Variants in KIF5B observed in about 807,000 individuals in gnomAD.
The protein encoded by KIF5B is kinesin-1 heavy chain.
A neutral mutation model predicts 132.8 loss-of-function variants in KIF5B; 49 were observed. The ratio of observed to expected loss-of-function variants is 0.37; its 90% CI spans 0.29 to 0.47. The LOEUF (loss-of-function observed/expected upper bound fraction) is 0.47. KIF5B is among the 20% of genes least tolerant of loss of function. KIF5B has a pLI of 1.00. For missense variants in KIF5B, 780 were observed against 1,144.0 expected (o/e 0.68, Z 4.59); for synonymous variants, 355 against 369.4 (o/e 0.96, Z 0.45).
rs1592458411 is a variant in KIF5B at position 32,056,089 on chromosome 10, T to G, written c.-116A>C. The G allele has an allele frequency of 1.6e-6, 2 of 1,267,866 alleles. No individual in the cohort carries two copies. The highest frequency in any genetic ancestry group is 5.2e-5 in the East Asian group (2 of 38,410). 78.5% of individuals were successfully genotyped at this position (1,267,866 alleles called of 1,614,324 possible). A position where few individuals can be genotyped will look rare whatever the true frequency, so the allele number is the denominator to read the frequency against. ...AGGGCCGTGAGAGGCAGCAGTCAGC[T>G]GCGCCGCGCTGCGCTTCCCCGGGTG... On this transcript the variant is annotated 5_prime_UTR_variant, in exon 1 of 26. Transcript: ENST00000302418.
At chr10:32,011,899 A>G (rs1464545483) in intron 25 of KIF5B, among the ~76,000 whole-genome samples, 6 of 152,106 alleles carry the variant, frequency 3.9e-5, no homozygotes, top group Non-Finnish European at 8.8e-5. Context: ...AACACTAACC[A>G]GCAACTACTA....
intron 2 of KIF5B, among the ~76,000 whole-genome samples, chr10:32,045,131 T>G (rs1841592863): frequency 6.6e-6 from 1 of 152,144 alleles, no homozygotes; most frequent in Non-Finnish European, 1.5e-5. Context: ...CAATAGATTT[T>G]GAAAAACTCT....
chr10:32,018,365 T>C lies in KIF5B; in HGVS notation c.2390A>G (p.His797Arg). ...ETVAKELQTLHNLRKLFVQDL... is the reference protein window; with the variant it reads ...ETVAKELQTLRNLRKLFVQDL... Reference sequence around the variant, plus strand: ...CTGAACAAAGAGTTTGCGCAGGTTGTGTAAAGTCTGAAGTTCTTTTGCCTT... The same window carrying C: ...CTGAACAAAGAGTTTGCGCAGGTTGCGTAAAGTCTGAAGTTCTTTTGCCTT... Residue 797 changes from histidine to arginine, a missense_variant, in exon 22 of 26, where the codon CAC (histidine) becomes CGC (arginine). Physicochemically the swap from His to Arg is conservative, Grantham distance 29 (BLOSUM62 0). Transcript: ENST00000302418. The C allele has an allele frequency of 6.5e-7, 1 of 1,528,914 alleles. No homozygotes were observed. The highest frequency in any genetic ancestry group is 8.7e-7 in the Non-Finnish European group (1 of 1,143,892). The allele number at this position is 1,528,914 out of a possible 1,614,324, so 94.7% of individuals were successfully genotyped here.
At position 32,011,286 on chromosome 10, in the gene KIF5B, G is replaced by A. The variant is rs977295179; in HGVS notation, c.*251C>T. 1 of 152,606 alleles carries A rather than the reference G, an allele frequency of 6.6e-6. No homozygotes were observed. The highest frequency in any genetic ancestry group is 1.5e-5 in the Non-Finnish European group (1 of 68,018). The allele number at this position is 152,606 out of a possible 1,614,324, so 9.5% of individuals were successfully genotyped here. On this transcript the variant is annotated 3_prime_UTR_variant, in exon 26 of 26. Transcript: ENST00000302418. ...AAACTGTGTAATAAATAGGGCCACAGTTGTAAACTGTCCTTTTTCCCTCCT... is the reference window on the plus strand; with the variant it reads ...AAACTGTGTAATAAATAGGGCCACAATTGTAAACTGTCCTTTTTCCCTCCT...
chr10:32,031,998 T>TCAAAAA (rs1333001616), intron 13 of KIF5B, among the ~76,000 whole-genome samples: 55 of 150,306 alleles, frequency 3.7e-4, no homozygotes, highest in African/African-American at 1.3e-3. Context: ...AGACTTCGCC[T>TCAAAAA]CAAAAACAAA....
intron 20 of KIF5B, 128 bp downstream of exon 20, chr10:32,019,730 G>C: frequency 1.7e-6 from 1 of 571,980 alleles, no homozygotes; most frequent in South Asian, 2.6e-5. Context: ...CAACTCAGTG[G>C]ATTTAAGAAA....
Position 32,032,721 on chromosome 10 carries a change from C to T in KIF5B, c.1359G>A (p.Met453Ile), listed in dbSNP as rs1349165109. 1.2e-6 allele frequency: 2 copies of T among 1,613,838 alleles called. No individual in the cohort carries two copies. Among genetic ancestry groups the T allele is most frequent in the Non-Finnish European group, 1.7e-6 (2 of 1,179,742 alleles). ...TTCAACTCACCTCCTCCTGATCCAA[C>T]ATTTGCGTCTTCAGTTTCTCTACCA... ...SQLVEKLKTQ[M>I]LDQEELLAST... Residue 453 changes from methionine to isoleucine, a missense_variant, in exon 13 of 26, where the codon ATG (methionine) becomes ATA (isoleucine). Transcript: ENST00000302418.
chr10:32,037,496 T>C (rs1267250227), intron 7 of KIF5B, 24 bp downstream of exon 7: 13 of 1,593,370 alleles, frequency 8.2e-6, no homozygotes, highest in Middle Eastern at 1.7e-4. Context: ...TTTTAAATCC[T>C]AACCAGTGTT....
intron 11 of KIF5B, among the ~76,000 whole-genome samples, chr10:32,034,426 T>C (rs1323742078): frequency 6.6e-6 from 1 of 152,186 alleles, no homozygotes; most frequent in Non-Finnish European, 1.5e-5. Flanking sequence ...TCTTTCAAAC[T>C]TTTTCTTCTC....
At chr10:32,048,181 C>G (rs1841639330) in intron 2 of KIF5B, among the ~76,000 whole-genome samples, 1 of 152,170 alleles carries the variant, frequency 6.6e-6, no homozygotes, top group Non-Finnish European at 1.5e-5. Flanking sequence ...ACCTTGGAAA[C>G]TCTCCTGGGA....
chr10:32,037,782 G>A (rs190513299), intron 6 of KIF5B, among the ~76,000 whole-genome samples, 175 bp from the exon 7 acceptor site: 1 of 152,180 alleles, frequency 6.6e-6, no homozygotes, highest in Non-Finnish European at 1.5e-5. Flanking sequence ...GCAGTGAGCC[G>A]AGACCATGCC....
rs1841055557 is a variant in KIF5B, at chr10:32,010,142, T to C, written c.*1395A>G. 6.6e-6 allele frequency: 1 copy of C among 152,166 alleles called. No individual in the cohort carries two copies. The highest frequency in any genetic ancestry group is 2.4e-5 in the African/African-American group (1 of 41,458). 9.4% of individuals were successfully genotyped at this position (152,166 alleles called of 1,614,324 possible). ...GATCCTAACACAGAACTTTCCAAGT[T>C]TCTCTGCTAACCTTAAATCCCCATT... On this transcript the variant is annotated 3_prime_UTR_variant, in exon 26 of 26. Coordinates refer to ENST00000302418, the MANE Select transcript of KIF5B (RefSeq NM_004521.3).
chr10:32,038,173 G>T lies in KIF5B; in HGVS notation c.488C>A (p.Pro163His). The T allele has an allele frequency of 1.3e-6, 2 of 1,599,736 alleles. No individual in the cohort carries two copies. The highest frequency in any genetic ancestry group is 1.7e-6 in the Non-Finnish European group (2 of 1,168,258). Residue 163 changes from proline to histidine, a missense_variant, in exon 6 of 26, where the codon CCC (proline) becomes CAC (histidine). Pro to His is a moderately conservative substitution (Grantham distance 77). Transcript: ENST00000302418. Reference protein sequence around the residue: ...LSVHEDKNRVPYVKGCTERFV... With the variant: ...LSVHEDKNRVHYVKGCTERFV... ...CTGTACTATAAATACCTTTACATAGGGAACTCGGTTTTTGTCTTCATGAAC... is the reference window on the plus strand; with the variant it reads ...CTGTACTATAAATACCTTTACATAGTGAACTCGGTTTTTGTCTTCATGAAC...
intron 1 of KIF5B, among the ~76,000 whole-genome samples, chr10:32,049,171 T>C (rs1000470413): frequency 3.9e-5 from 6 of 152,352 alleles, no homozygotes; most frequent in South Asian, 2.1e-4. Context: ...CAAATACTTA[T>C]GGAATGTGAG....
Position 32,056,370 on chromosome 10 carries a change from C to T in KIF5B, c.-397G>A. On this transcript the variant is annotated 5_prime_UTR_variant, in exon 1 of 26. Coordinates refer to ENST00000302418, the MANE Select transcript of KIF5B (RefSeq NM_004521.3). ...GGGCCTACCCGTCCGCCCGCTCTGCCGTCCGCTGGCCGGCCGACTGCTGCC... is the reference window on the plus strand; with the variant it reads ...GGGCCTACCCGTCCGCCCGCTCTGCTGTCCGCTGGCCGGCCGACTGCTGCC... 4.5e-6 allele frequency: 1 copy of T among 222,040 alleles called. No individual in the cohort carries two copies. Among genetic ancestry groups the T allele is most frequent in the South Asian group, 5.1e-5 (1 of 19,500 alleles). The allele number at this position is 222,040 out of a possible 1,614,324, so 13.8% of individuals were successfully genotyped here. A position where few individuals can be genotyped will look rare whatever the true frequency, so the allele number is the denominator to read the frequency against.
chr10:32,035,688 A>C (rs1260042157), intron 9 of KIF5B, 21 bp from the exon 10 acceptor site: 3 of 1,585,318 alleles, frequency 1.9e-6, no homozygotes, highest in African/African-American at 2.7e-5. Flanking sequence ...AAACAAAGAA[A>C]GAAAACAAGA....
chr10:32,037,635 A>G, intron 6 of KIF5B, 28 bp from the exon 7 acceptor site: 1 of 1,511,588 alleles, frequency 6.6e-7, no homozygotes, highest in South Asian at 1.1e-5. Context: ...AAAATATGTT[A>G]ATGTCTGGCC....
intron 20 of KIF5B, 77 bp downstream of exon 20, chr10:32,019,781 G>A (rs985560750): frequency 1.2e-5 from 11 of 937,062 alleles, no homozygotes; most frequent in African/African-American, 3.3e-5. Context: ...GTATCCACTG[G>A]CTATATCCAA....
intron 11 of KIF5B, 54 bp from the exon 12 acceptor site, chr10:32,034,092 C>A: frequency 9.2e-6 from 10 of 1,081,306 alleles, no homozygotes; most frequent in Non-Finnish European, 1.3e-5. Context: ...AAGCTAATTT[C>A]AATTTCATTC....
Sources: allele counts gnomAD v4.1 joint callset (sites outside exome capture counted in the v4.1 genomes callset), GRCh38; gene constraint gnomAD v4.1.1; transcripts MANE v1.5; gene names NCBI Gene and HGNC (gene_info 2026-07-23, HGNC 2026-07-21).